CNNM4: variants seen among roughly 807,000 people sequenced by gnomAD.
CNNM4 encodes the protein metal transporter CNNM4.
A neutral mutation model predicts 53.7 loss-of-function variants in CNNM4; 32 were observed. The observed-to-expected ratio is 0.60, with a 90% confidence interval of 0.45 to 0.80. The LOEUF is 0.80. CNNM4 is among the 30% of genes least tolerant of loss of function. CNNM4 has a pLI of 0.00. For synonymous variants in CNNM4, 410 were observed against 440.0 expected, an observed-to-expected ratio of 0.93 and a Z score of 0.85; for missense variants, 784 against 1,022.0, an observed-to-expected ratio of 0.77 and a Z score of 3.17.
chr2:96,797,046 C>T lies in CNNM4; in HGVS notation c.1437C>T (p.Asn479=), dbSNP rs1184303939. Residue 479 remains asparagine (N), a synonymous_variant, in exon 2 of 7, where the codon AAC becomes AAT. Coordinates refer to ENST00000377075, the MANE Select transcript of CNNM4 (RefSeq NM_020184.4). The surrounding 1 kb of genome is among the most constrained non-coding windows in gnomAD (Gnocchi z 6.0). The stretch of plus-strand genomic sequence containing the variant: ...ACCTGGCCATCGTGCAGAAGGTAAA[C>T]AACGAGGGTGAGGGTGACCCCTTCT... ...KSHLAIVQKV[N]NEGEGDPFYE... is the part of the protein sequence containing the mutation. The T allele has an allele frequency of 6.2e-7, 1 of 1,613,836 alleles. No individual in the cohort carries two copies. The highest frequency in any genetic ancestry group is 1.1e-5 in the South Asian group (1 of 91,064).
chr2:96,762,970 C>T (rs1054314816), intron 1 of CNNM4, among the ~76,000 whole-genome samples: 8 of 151,778 alleles, frequency 5.3e-5, no homozygotes, highest in African/African-American at 1.9e-4. Flanking sequence ...AGTTTGGGGC[C>T]CGGTGGTGGA....
At chr2:96,790,081 A>C (rs1373821483) in intron 1 of CNNM4, among the ~76,000 whole-genome samples, 2 of 127,918 alleles carry the variant, frequency 1.6e-5, no homozygotes, top group Admixed American at 2.0e-4. Context: ...ATCTCGGCTC[A>C]CTGCAGGCTC....
chr2:96,768,568 T>C (rs545140506), intron 1 of CNNM4, among the ~76,000 whole-genome samples: 1 of 152,246 alleles, frequency 6.6e-6, no homozygotes, highest in African/African-American at 2.4e-5. Flanking sequence ...TGTGAAAGTC[T>C]GAGGTTTCTA....
intron 1 of CNNM4, among the ~76,000 whole-genome samples, chr2:96,796,474 A>G (rs1441375914): frequency 6.6e-6 from 1 of 152,070 alleles, no homozygotes; most frequent in Non-Finnish European, 1.5e-5. Flanking sequence ...TTAAACAAGT[A>G]GTCCTGGCCT....
At chr2:96,806,535 A>ACACGCGCG (rs374638753) in intron 5 of CNNM4, among the ~76,000 whole-genome samples, 205 of 123,988 alleles carry the variant, frequency 1.7e-3, no homozygotes, top group East Asian at 5.7e-3. Flanking sequence ...ACACACACAC[A>ACACGCGCG]CGCGCGCGCG....
intron 6 of CNNM4, 126 bp from the exon 7 acceptor site, chr2:96,809,194 A>G: frequency 1.3e-6 from 2 of 1,540,982 alleles, no homozygotes; most frequent in Non-Finnish European, 1.7e-6. Context: ...AAGGGCTTCC[A>G]GAGACGCTGA....
chr2:96,789,988 C>T (rs1405559749), intron 1 of CNNM4, among the ~76,000 whole-genome samples: 3 of 109,198 alleles, frequency 2.7e-5, no homozygotes, highest in Non-Finnish European at 5.3e-5. Context: ...CGTGAGCCAA[C>T]ACACCCGGGC....
At chr2:96,793,790 C>T (rs541449749) in intron 1 of CNNM4, among the ~76,000 whole-genome samples, 6 of 152,138 alleles carry the variant, frequency 3.9e-5, no homozygotes, top group Non-Finnish European at 5.9e-5. Flanking sequence ...CTGGCGAAAC[C>T]CCGTCTCTAC....
chr2:96,806,032 AGGCGCCCCTCACCTCCCGGAC>A (rs2079201470), intron 5 of CNNM4, among the ~76,000 whole-genome samples: 2 of 149,218 alleles, frequency 1.3e-5, no homozygotes, highest in Admixed American at 1.3e-4. Flanking sequence ...GGCCGGGCAG[AGGCGCCCCTCACCTCCCGGAC>A]GGGGCGGCTG....
intron 3 of CNNM4, among the ~76,000 whole-genome samples, chr2:96,798,109 TG>T (rs1371246737): frequency 2.0e-5 from 3 of 152,186 alleles, no homozygotes; most frequent in African/African-American, 4.8e-5. Flanking sequence ...GTTGCATGTC[TG>T]TGGTCCCAGC....
At chr2:96,771,412 A>G (rs1030693213) in intron 1 of CNNM4, among the ~76,000 whole-genome samples, 3 of 152,190 alleles carry the variant, frequency 2.0e-5, no homozygotes, top group African/African-American at 7.2e-5. Context: ...AAACCTTATA[A>G]CAAACAGCAT....
chr2:96,767,995 G>A (rs952633150), intron 1 of CNNM4, among the ~76,000 whole-genome samples: 2 of 152,138 alleles, frequency 1.3e-5, no homozygotes, highest in South Asian at 2.1e-4. Context: ...TCGCTTGAAC[G>A]GAGGTTGCAG....
At chr2:96,762,486 G>A in intron 1 of CNNM4, 85 bp downstream of exon 1, 3 of 1,293,094 alleles carry the variant, frequency 2.3e-6, no homozygotes, top group Non-Finnish European at 3.3e-6. Context: ...TGGCTTTAGT[G>A]TTCTGTTTGT....
intron 6 of CNNM4, 33 bp from the exon 7 acceptor site, chr2:96,809,287 C>T (rs1193149955): frequency 1.2e-6 from 2 of 1,613,266 alleles, no homozygotes; most frequent in East Asian, 2.2e-5. Context: ...CTCCCAGCCC[C>T]TCCCTCCATG....
chr2:96,766,783 A>G (rs945296701), intron 1 of CNNM4, among the ~76,000 whole-genome samples: 1 of 152,200 alleles, frequency 6.6e-6, no homozygotes, highest in African/African-American at 2.4e-5. Context: ...CTGAGTGAGT[A>G]AGTGAGTGAA....
intron 5 of CNNM4, among the ~76,000 whole-genome samples, chr2:96,804,185 G>A (rs1176490505): frequency 6.6e-6 from 1 of 150,484 alleles, no homozygotes; most frequent in Non-Finnish European, 1.5e-5. Context: ...ATGAACCACT[G>A]CACCTGGCCG....
chr2:96,788,945 T>TG (rs2079037448), intron 1 of CNNM4: 1 of 152,166 alleles, frequency 6.6e-6, no homozygotes, highest in South Asian at 2.1e-4. Flanking sequence ...CCAGCACCTA[T>TG]AATACGGTTT....
chr2:96,762,117 TAG>T lies in CNNM4; in HGVS notation c.1121_1122del (p.Glu374GlyfsTer60). The T allele has an allele frequency of 6.2e-7, 1 of 1,614,046 alleles. No individual in the cohort carries two copies. Among genetic ancestry groups the T allele is most frequent in the Non-Finnish European group, 8.5e-7 (1 of 1,180,008 alleles). ...GCCCTGGAACTACGGACCAAAACTG[TAG>T]AGGATATCATGACCCAGCTCCAGGA... On this transcript the variant is annotated frameshift_variant, in exon 1 of 7. Coordinates refer to ENST00000377075, the MANE Select transcript of CNNM4 (RefSeq NM_020184.4). LOFTEE classifies it high-confidence loss of function.
chr2:96,787,858 T>A (rs999580356), intron 1 of CNNM4, among the ~76,000 whole-genome samples: 2 of 152,062 alleles, frequency 1.3e-5, no homozygotes, highest in Non-Finnish European at 2.9e-5. Context: ...AGACCCTGTC[T>A]AAAAAAAATT....
Sources: allele counts gnomAD v4.1 joint callset (sites outside exome capture counted in the v4.1 genomes callset), GRCh38; gene constraint gnomAD v4.1.1; non-coding constraint Gnocchi (gnomAD v3.1); transcripts MANE v1.5; gene names NCBI Gene and HGNC (gene_info 2026-07-23, HGNC 2026-07-21).